The following ANK2 variants were observed in gnomAD, a reference collection of about 807,000 sequenced individuals.
ANK2 encodes ankyrin-2.
ANK2 carries 83 observed loss-of-function variants against 360.5 expected under a neutral mutation model. That is an observed-to-expected ratio of 0.23 (90% confidence interval 0.19 to 0.28). ANK2 has a LOEUF of 0.28. Among genes scored for constraint, ANK2 ranks in the 10% least tolerant of loss-of-function variants. ANK2 has a pLI of 1.00. For synonymous variants in ANK2, 1,740 were observed against 1,759.5 expected (o/e 0.99, Z 0.28); for missense variants, 4,201 against 4,795.7 (o/e 0.88, Z 3.66).
At chr4:112,936,185 T>G (rs2093700771) in intron 2 of ANK2, among the ~76,000 whole-genome samples, 1 of 152,234 alleles carries the variant, frequency 6.6e-6, no homozygotes, top group Non-Finnish European at 1.5e-5. Flanking sequence ...AATTGAAAGT[T>G]TGTAAATGGA....
chr4:112,986,282 T>A (rs913212404), intron 2 of ANK2, among the ~76,000 whole-genome samples: 1 of 152,046 alleles, frequency 6.6e-6, no homozygotes, highest in Non-Finnish European at 1.5e-5. Flanking sequence ...TATAAGTGCT[T>A]TTTAACATTA....
At chr4:112,752,331 AGAGC>A in the ANK2 span, among the ~76,000 whole-genome samples, 2 of 152,202 alleles carry the variant, frequency 1.3e-5, no homozygotes, top group Non-Finnish European at 2.9e-5. Context: ...AGGAGGCAAG[AGAGC>A]AACTCTGGGG....
chr4:113,212,273 C>A (rs1007781814), intron 4 of ANK2, among the ~76,000 whole-genome samples: 19 of 152,022 alleles, frequency 1.2e-4, no homozygotes, highest in Non-Finnish European at 2.5e-4. Flanking sequence ...TTACTAATAA[C>A]TTTTTTTCAG....
At chr4:113,132,342 T>G (rs903835863) in intron 1 of ANK2, among the ~76,000 whole-genome samples, 1 of 152,190 alleles carries the variant, frequency 6.6e-6, no homozygotes, top group Non-Finnish European at 1.5e-5. Context: ...CCTGGAGTTT[T>G]CAACATATTG....
intron 2 of ANK2, among the ~76,000 whole-genome samples, chr4:113,019,155 C>T (rs1304303554): frequency 6.6e-6 from 1 of 152,140 alleles, no homozygotes; most frequent in African/African-American, 2.4e-5. Context: ...TAATCTACTG[C>T]TAGTGGTTTT....
intron 10 of ANK2, among the ~76,000 whole-genome samples, chr4:113,252,792 C>G (rs1424130389): frequency 6.6e-6 from 1 of 152,142 alleles, no homozygotes. Context: ...GCATTTCACT[C>G]AATTAAATTC....
At chr4:113,143,716 G>A (rs1179151721) in intron 1 of ANK2, among the ~76,000 whole-genome samples, 2 of 152,006 alleles carry the variant, frequency 1.3e-5, no homozygotes, top group Non-Finnish European at 2.9e-5. Context: ...AAGACTTTGT[G>A]GACCACAGAC....
chr4:113,048,236 A>G (rs56334442), upstream of ANK2, among the ~76,000 whole-genome samples: 7,731 of 111,130 alleles, frequency 0.07, 299 homozygotes, highest in Middle Eastern at 0.18. Context: ...TTCTGGTTGC[A>G]TCTACAAGTG....
rs537735074 is a variant in ANK2 at position 113,005,774 on chromosome 4, C to T, written c.21+101260C>T. ...TGGGCCTAGTGGGAGGCATTTGGGT[C>T]GTGGTGGTGGATCTCTCATGAATGT... On this transcript the variant is annotated intron_variant, in intron 2 of 30. Transcript: ENST00000503271. Among the ~76,000 whole-genome samples, 3 of 152,140 alleles carry T rather than the reference C, an allele frequency of 2.0e-5. No individual in the cohort carries two copies. In the South Asian group the frequency reaches 6.3e-4, roughly 32 times the overall value.
the ANK2 span, among the ~76,000 whole-genome samples, chr4:112,787,187 T>G: frequency 6.6e-6 from 1 of 152,228 alleles, no homozygotes; most frequent in Non-Finnish European, 1.5e-5. Flanking sequence ...TAAGATTAGA[T>G]TAAAAATCAC....
intron 2 of ANK2, among the ~76,000 whole-genome samples, chr4:112,923,325 C>A (rs571082886): frequency 2.3e-4 from 35 of 151,916 alleles, no homozygotes; most frequent in Non-Finnish European, 4.1e-4. Flanking sequence ...AAAACATTTG[C>A]CCTAGTAGAG....
rs986960959 is a variant in ANK2 at position 113,062,363 on chromosome 4, C to T, written c.84+12551C>T. Among the ~76,000 whole-genome samples the T allele has an allele frequency of 5.3e-5, 8 of 151,928 alleles. No homozygotes were observed. In the East Asian group the frequency reaches 1.2e-3, roughly 22 times the overall value. ...TTAAAATGAAAGTAATAATAATGTG[C>T]ATTTTAGAATTTTTACTGCTTGAAT... On this transcript the variant is annotated intron_variant, in intron 1 of 45. Transcript: ENST00000357077.
At chr4:112,908,409 G>A (rs557484188) in intron 2 of ANK2, among the ~76,000 whole-genome samples, 2 of 152,266 alleles carry the variant, frequency 1.3e-5, no homozygotes, top group African/African-American at 2.4e-5. Flanking sequence ...ACCAAAATGG[G>A]CTGGTGAAGT....
the ANK2 span, among the ~76,000 whole-genome samples, chr4:112,764,353 G>GAGA: frequency 6.8e-6 from 1 of 147,634 alleles, no homozygotes; most frequent in Non-Finnish European, 1.5e-5. Context: ...TTTTTTTTTT[G>GAGA]AGAAGAAGTT....
At chr4:113,324,595 G>T (rs1242398530) in intron 26 of ANK2, among the ~76,000 whole-genome samples, 12 of 152,064 alleles carry the variant, frequency 7.9e-5, no homozygotes. Context: ...ATTGTTTGGT[G>T]ATTTTAAAAA....
intron 1 of ANK2, among the ~76,000 whole-genome samples, chr4:113,088,629 T>TTA (rs779044853): frequency 2.0e-5 from 3 of 152,142 alleles, no homozygotes; most frequent in Non-Finnish European, 4.4e-5. Flanking sequence ...GAAAAGGACG[T>TTA]TTTATGTCTC....
intron 2 of ANK2, among the ~76,000 whole-genome samples, chr4:113,038,774 A>G (rs1333483536): frequency 6.6e-6 from 1 of 152,052 alleles, no homozygotes; most frequent in Non-Finnish European, 1.5e-5. Flanking sequence ...ACCACCATAC[A>G]GTGAAAACCC....
chr4:113,108,206 C>T (rs1258599132), intron 1 of ANK2, among the ~76,000 whole-genome samples: 2 of 152,066 alleles, frequency 1.3e-5, no homozygotes, highest in African/African-American at 2.4e-5. Context: ...TAAAGGCAGT[C>T]AGTAATTAAA....
At chr4:112,918,186 G>T (rs1250562357) in intron 2 of ANK2, among the ~76,000 whole-genome samples, 2 of 152,128 alleles carry the variant, frequency 1.3e-5, no homozygotes, top group Non-Finnish European at 2.9e-5. Flanking sequence ...TTGATTAGGG[G>T]CAGCTTCCTG....
Sources: allele counts gnomAD v4.1 joint callset (sites outside exome capture counted in the v4.1 genomes callset), GRCh38; gene constraint gnomAD v4.1.1; transcripts MANE v1.5; gene names NCBI Gene and HGNC (gene_info 2026-07-23, HGNC 2026-07-21).